EVC2: variants seen among roughly 807,000 people sequenced by gnomAD.
EVC2 encodes EvC ciliary complex subunit 2.
EVC2 carries 148 observed loss-of-function variants against 149.3 expected under a neutral mutation model. The ratio of observed to expected loss-of-function variants is 0.99; its 90% confidence interval spans 0.87 to 1.14. The LOEUF (loss-of-function observed/expected upper bound fraction) is 1.14, where lower values mean the gene tolerates loss of function less well. Among genes scored for constraint, EVC2 ranks in the 50% most tolerant of loss-of-function variants. The pLI, the probability that EVC2 is intolerant of heterozygous loss-of-function variation, is 0.00. For missense variants in EVC2, 1,854 were observed against 1,627.3 expected (o/e 1.14, Z -2.40); for synonymous variants, 776 against 649.9 (o/e 1.19, Z -2.95).
intron 7 of EVC2, among the ~76,000 whole-genome samples, chr4:5,668,312 T>C (rs1719405227): frequency 6.6e-6 from 1 of 152,244 alleles, no homozygotes; most frequent in Non-Finnish European, 1.5e-5. Flanking sequence ...CAAATGCTTA[T>C]TGAAACCTGA....
chr4:5,566,587 GAC>G (rs927027227), intron 20 of EVC2, among the ~76,000 whole-genome samples: 14 of 152,172 alleles, frequency 9.2e-5, no homozygotes, highest in Admixed American at 6.5e-4. Context: ...AGCTGCTGGG[GAC>G]ACAAGAATAG....
intron 5 of EVC2, among the ~76,000 whole-genome samples, chr4:5,685,971 CAG>C (rs1475508497): frequency 6.6e-6 from 1 of 152,166 alleles, no homozygotes; most frequent in African/African-American, 2.4e-5. Context: ...TTCTCCCTAA[CAG>C]AGTTTACTTA....
At chr4:5,559,150 A>G (rs1265688284), downstream of EVC2, among the ~76,000 whole-genome samples, 2 of 152,176 alleles carry the variant, frequency 1.3e-5, no homozygotes, top group Non-Finnish European at 2.9e-5. The surrounding 1 kb of genome is among the most constrained non-coding windows in gnomAD (Gnocchi z 5.0). Flanking sequence ...TCAAGGCTGC[A>G]GTAAACTGTG....
rs13125075 is a variant in EVC2, at chr4:5,662,929, A to T, written c.1145+178T>A. Among the ~76,000 whole-genome samples the T allele has an allele frequency of 0.72, 109,661 of 151,688 alleles. 39,774 individuals are homozygous for T. Among genetic ancestry groups the T allele is most frequent in the East Asian group, 0.75 (3,892 of 5,162 alleles). On this transcript the variant is annotated intron_variant, in intron 9 of 21. Transcript: ENST00000344408. ...ACTTCCTTAGAGCAGGAAGTATGTC[A>T]TCTACACCTCTTTTCCTAGATGCCA...
chr4:5,589,769 A>G (rs55798027), intron 16 of EVC2, among the ~76,000 whole-genome samples: 1 of 152,146 alleles, frequency 6.6e-6, no homozygotes, highest in African/African-American at 2.4e-5. Context: ...TAATTCTGAT[A>G]CTTTTTATTC....
At chr4:5,687,150 G>A (rs942382903) in intron 5 of EVC2, among the ~76,000 whole-genome samples, 1 of 152,150 alleles carries the variant, frequency 6.6e-6, no homozygotes, top group Admixed American at 6.5e-5. Context: ...CCAGCTACTT[G>A]GGAGGCTGAG....
In EVC2 at chr4:5,553,337, A is replaced by G. The variant is rs147756920; in HGVS notation, c.3420-10125T>C. Among the ~76,000 whole-genome samples the G allele has an allele frequency of 2.8e-3, 420 of 152,312 alleles. 3 individuals are homozygous for G. The highest frequency in any genetic ancestry group is 9.9e-3 in the African/African-American group (410 of 41,554). On this transcript the variant is annotated intron_variant and NMD_transcript_variant, in intron 21 of 22. Transcript: ENST00000475313. Reference sequence around the variant, plus strand: ...CAAAGGGGATGGTGCTGAACCATTTATGAGAAATATCCCCCATGATCCAAT... The same window carrying G: ...CAAAGGGGATGGTGCTGAACCATTTGTGAGAAATATCCCCCATGATCCAAT...
intron 21 of EVC2, among the ~76,000 whole-genome samples, chr4:5,553,247 G>T (rs934823763): frequency 2.0e-5 from 3 of 152,238 alleles, no homozygotes; most frequent in East Asian, 3.9e-4. Context: ...TGGAGTTGGT[G>T]GGGGGTGGGT....
Position 5,625,132 on chromosome 4 carries a change from T to C in EVC2, c.2046+617A>G, listed in dbSNP as rs1168589850. Among the ~76,000 whole-genome samples, 1 of 152,048 alleles carries C rather than the reference T, an allele frequency of 6.6e-6. No individual in the cohort carries two copies. Among genetic ancestry groups the C allele is most frequent in the Non-Finnish European group, 1.5e-5 (1 of 67,996 alleles). The stretch of plus-strand genomic sequence containing the variant: ...CGGAAGACCCTTCAACATTCCCCAC[T>C]ATCCTTGGATGGAAGGTAACCCCTT... On this transcript the variant is annotated intron_variant, in intron 13 of 21. Coordinates refer to ENST00000344408, the MANE Select transcript of EVC2 (RefSeq NM_147127.5). The surrounding 1 kb of genome is among the most constrained non-coding windows in gnomAD (Gnocchi z 4.0).
downstream of EVC2, among the ~76,000 whole-genome samples, chr4:5,540,241 A>C (rs954561018): frequency 6.6e-6 from 1 of 152,228 alleles, no homozygotes; most frequent in South Asian, 2.1e-4. Flanking sequence ...GTGGACTGTA[A>C]CGTGGTGCAA....
rs370515818 is a variant in EVC2 at position 5,665,632 on chromosome 4, G to A, written c.888C>T (p.Gly296=). 2.4e-5 allele frequency: 38 copies of A among 1,614,196 alleles called. No individual in the cohort carries two copies. In the African/African-American group the frequency reaches 2.4e-4, roughly 10 times the overall value. ...EENVTVLPHH[G]LHAAGFFIAF... ...CAATGAAGAACCCTGCTGCGTGGAG[G>A]CCGTGGTGCGGCAGAACCTGTGGAG... The change falls in exon 8 of 22, where the codon GGC becomes GGT. Residue 296 remains glycine, a synonymous_variant. Transcript: ENST00000344408.
At chr4:5,595,616 GC>G (rs1198433075) in intron 16 of EVC2, among the ~76,000 whole-genome samples, 6 of 152,140 alleles carry the variant, frequency 3.9e-5, no homozygotes, top group Non-Finnish European at 8.8e-5. Flanking sequence ...GCAAAATCAA[GC>G]CAAATTGTAA....
At chr4:5,626,295 G>A (rs1577175855) in intron 12 of EVC2, among the ~76,000 whole-genome samples, 1 of 151,570 alleles carries the variant, frequency 6.6e-6, no homozygotes, top group African/African-American at 2.4e-5. Flanking sequence ...TAATTTTATG[G>A]ACCAACTTGA....
chr4:5,588,947 T>C (rs1006974640), intron 16 of EVC2, among the ~76,000 whole-genome samples: 1 of 152,264 alleles, frequency 6.6e-6, no homozygotes, highest in Admixed American at 6.5e-5. Context: ...ACACTAGGCA[T>C]AAATGCCATT....
intron 1 of EVC2, among the ~76,000 whole-genome samples, chr4:5,701,557 T>A (rs1431434390): frequency 6.6e-6 from 1 of 151,940 alleles, no homozygotes; most frequent in Non-Finnish European, 1.5e-5. Flanking sequence ...TAGTCAAAAG[T>A]CCTGGGGTTG....
intron 19 of EVC2, among the ~76,000 whole-genome samples, chr4:5,574,030 C>T (rs1722778682): frequency 6.6e-6 from 1 of 152,248 alleles, no homozygotes; most frequent in Non-Finnish European, 1.5e-5. Flanking sequence ...AATCACAGAA[C>T]ATGACCCTGA....
rs749834951 is a variant in EVC2 at position 5,689,288 on chromosome 4, G to T, written c.575C>A (p.Thr192Asn). The T allele has an allele frequency of 2.5e-6, 4 of 1,614,156 alleles. No homozygotes were observed. Among genetic ancestry groups the T allele is most frequent in the Non-Finnish European group, 3.4e-6 (4 of 1,180,038 alleles). Residue 192 changes from threonine (T) to asparagine (N), a missense_variant, in exon 5 of 22, where the codon ACC becomes AAC. Physicochemically the swap from Thr to Asn is moderately conservative, Grantham distance 65. Coordinates refer to ENST00000344408, the MANE Select transcript of EVC2 (RefSeq NM_147127.5). ...TARIWLLVNNTKTTSSANLSE... is the reference protein window; with the variant it reads ...TARIWLLVNNNKTTSSANLSE... ...GAGGTTGGCTGACGAGGTTGTCTTG[G>T]TGTTGTTAACAAGCAGCCATATGCG... is the stretch of plus-strand genomic sequence containing the variant.
intron 9 of EVC2, among the ~76,000 whole-genome samples, chr4:5,646,480 G>A (rs747908302): frequency 9.2e-5 from 14 of 151,938 alleles, no homozygotes; most frequent in Non-Finnish European, 2.1e-4. Context: ...ATTTCATTAG[G>A]GGTTTCAAAA....
Position 5,622,241 on chromosome 4 carries a change from G to A in EVC2, c.2501+296C>T, listed in dbSNP as rs1302069182. Reference sequence around the variant, plus strand: ...GCTCCCTGGAGTTATTAACCCCAGGGAATTATTCAGACAAGGCAATCACAT... The same window carrying A: ...GCTCCCTGGAGTTATTAACCCCAGGAAATTATTCAGACAAGGCAATCACAT... On this transcript the variant is annotated intron_variant, in intron 14 of 21. Transcript: ENST00000344408. This position sits in a 1 kb window ranked among gnomAD's most constrained non-coding sequence, Gnocchi z 5.8. 2.4e-4 allele frequency among the ~76,000 whole-genome samples: 36 copies of A among 151,990 alleles called. No individual in the cohort carries two copies. The highest frequency in any genetic ancestry group is 2.9e-4 in the Non-Finnish European group (20 of 67,990).
Sources: gnomAD v4.1 joint callset for allele counts (sites outside exome capture counted in the v4.1 genomes callset) on GRCh38, gnomAD v4.1.1 for gene constraint, Gnocchi (gnomAD v3.1) non-coding constraint, MANE v1.5 for transcripts, NCBI Gene and HGNC (gene_info 2026-07-23, HGNC 2026-07-21) for gene names.